The following BABAM2 variants were observed in gnomAD, a reference collection of about 807,000 sequenced individuals.
The protein encoded by BABAM2 is BRISC and BRCA1 A complex member 2, also known as BRISC and BRCA1-A complex member 2.
Under a neutral mutation model 54.7 loss-of-function variants are expected in BABAM2, and 31 were observed. That is an observed-to-expected ratio of 0.57 (90% confidence interval 0.43 to 0.77). BABAM2 has a LOEUF of 0.77. Ranked by LOEUF, BABAM2 falls within the 30% of genes least tolerant of loss-of-function variation. BABAM2 has a pLI of 0.00. For missense variants in BABAM2, 364 were observed against 455.8 expected (o/e 0.80, Z 1.83); for synonymous variants, 167 against 162.9 (o/e 1.03, Z -0.19).
chr2:27,949,104 C>G (rs193273010), intron 3 of BABAM2, among the ~76,000 whole-genome samples: 1 of 152,294 alleles, frequency 6.6e-6, no homozygotes, highest in East Asian at 1.9e-4. Context: ...CCATGTCTGA[C>G]CAGCAGCCAA....
At chr2:28,234,774 G>A (rs575486479) in intron 7 of BABAM2, among the ~76,000 whole-genome samples, 2 of 152,200 alleles carry the variant, frequency 1.3e-5, no homozygotes, top group African/African-American at 4.8e-5. Context: ...CTATCCTTAT[G>A]AAATCATTAG....
intron 7 of BABAM2, among the ~76,000 whole-genome samples, chr2:28,220,137 C>T (rs906813457): frequency 6.6e-6 from 1 of 152,274 alleles, no homozygotes; most frequent in East Asian, 1.9e-4. Flanking sequence ...AACTGATTGT[C>T]GAAGCCCAGC....
chr2:27,914,480 G>A (rs1284556439), intron 2 of BABAM2, among the ~76,000 whole-genome samples: 4 of 152,120 alleles, frequency 2.6e-5, no homozygotes, highest in African/African-American at 9.7e-5. Flanking sequence ...GATCCAGTTA[G>A]TCTCTATACT....
chr2:28,055,549 T>C (rs1359603032), intron 6 of BABAM2, among the ~76,000 whole-genome samples: 41 of 152,238 alleles, frequency 2.7e-4, no homozygotes, highest in Admixed American at 2.7e-3. Flanking sequence ...TTTCCAAATA[T>C]GATTTATGGT....
At chr2:28,145,192 A>G in intron 7 of BABAM2, among the ~76,000 whole-genome samples, 1 of 152,214 alleles carries the variant, frequency 6.6e-6, no homozygotes, top group African/African-American at 2.4e-5. Context: ...AAATGAAACA[A>G]AGGAGAAAGA....
rs72857110 is a variant in BABAM2, at chr2:28,259,388, A to T, written c.934+14526A>T. Reference sequence around the variant, plus strand: ...GGTAAGCTACCGCACCTAGCCGGCTAGTTTATTATGTTTTGTAGAGATGAG... The same window carrying T: ...GGTAAGCTACCGCACCTAGCCGGCTTGTTTATTATGTTTTGTAGAGATGAG... On this transcript the variant is annotated intron_variant, in intron 10 of 11. Transcript: ENST00000379624. Among the ~76,000 whole-genome samples, 1,262 of 152,064 alleles carry T rather than the reference A, an allele frequency of 8.3e-3. 10 individuals carry two copies. The highest frequency in any genetic ancestry group is 0.028 in the African/African-American group (1,181 of 41,488).
intron 7 of BABAM2, among the ~76,000 whole-genome samples, chr2:28,194,780 G>A (rs759924402): frequency 1.8e-4 from 28 of 151,900 alleles, no homozygotes; most frequent in Admixed American, 6.6e-4. Context: ...GGCTGGTCTC[G>A]AACTCCTAAC....
intron 7 of BABAM2, among the ~76,000 whole-genome samples, chr2:28,142,454 G>A (rs1671147526): frequency 1.3e-5 from 2 of 152,154 alleles, no homozygotes; most frequent in South Asian, 4.1e-4. Context: ...TTAATTTGAA[G>A]AAGTTATATG....
chr2:28,249,147 G>C (rs1300628723), intron 10 of BABAM2, among the ~76,000 whole-genome samples: 1 of 149,896 alleles, frequency 6.7e-6, no homozygotes, highest in African/African-American at 2.5e-5. Context: ...GAATGCGGTA[G>C]TGTGATCTTG....
chr2:28,312,832 G>T (rs373968330), intron 11 of BABAM2, among the ~76,000 whole-genome samples: 1 of 152,112 alleles, frequency 6.6e-6, no homozygotes, highest in Non-Finnish European at 1.5e-5. Context: ...TGAAATAATC[G>T]ATATAGACCT....
chr2:28,024,385 G>A (rs1174237516), intron 4 of BABAM2, among the ~76,000 whole-genome samples: 1 of 150,566 alleles, frequency 6.6e-6, no homozygotes, highest in Non-Finnish European at 1.5e-5. Flanking sequence ...CAGCCTGGGC[G>A]ACAGAGCGAG....
chr2:28,109,722 G>A (rs991718999), intron 6 of BABAM2, among the ~76,000 whole-genome samples: 6 of 152,094 alleles, frequency 3.9e-5, no homozygotes, highest in Non-Finnish European at 7.4e-5. Flanking sequence ...TGGCTCATCC[G>A]GGGTATATGG....
chr2:28,320,068 C>T (rs559386167), intron 11 of BABAM2, among the ~76,000 whole-genome samples: 2 of 152,344 alleles, frequency 1.3e-5, no homozygotes, highest in Admixed American at 6.5e-5. Flanking sequence ...ATTTCCACCA[C>T]TCAATTCATG....
intron 2 of BABAM2, among the ~76,000 whole-genome samples, chr2:27,899,201 C>G (rs1665581349): frequency 6.6e-6 from 1 of 152,180 alleles, no homozygotes; most frequent in Non-Finnish European, 1.5e-5. Flanking sequence ...TTTAGCATGT[C>G]ACAGACATTC....
At chr2:27,918,770 T>C (rs990310026) in intron 2 of BABAM2, among the ~76,000 whole-genome samples, 1 of 152,044 alleles carries the variant, frequency 6.6e-6, no homozygotes, top group Non-Finnish European at 1.5e-5. Flanking sequence ...CTCACTGCAG[T>C]CTTGACCTCC....
chr2:28,016,212 T>G, intron 4 of BABAM2: 1 of 993,286 alleles, frequency 1.0e-6, no homozygotes, highest in Non-Finnish European at 1.5e-6. Flanking sequence ...TTTCTCTGTC[T>G]TTTTTTGGAT....
At chr2:28,022,984 C>T (rs1263555981) in intron 4 of BABAM2, among the ~76,000 whole-genome samples, 3 of 152,180 alleles carry the variant, frequency 2.0e-5, no homozygotes, top group South Asian at 2.1e-4. Context: ...TAAAAGTGGT[C>T]GTGTAGCAAT....
At chr2:27,889,087 G>A (rs1395528816), upstream of BABAM2, among the ~76,000 whole-genome samples, 1 of 152,124 alleles carries the variant, frequency 6.6e-6, no homozygotes, top group African/African-American at 2.4e-5. Flanking sequence ...TCAAGTTTTC[G>A]TCAGTCACTA....
intron 6 of BABAM2, among the ~76,000 whole-genome samples, chr2:28,074,863 T>G (rs1664508930): frequency 6.6e-6 from 1 of 152,210 alleles, no homozygotes; most frequent in Admixed American, 6.5e-5. Context: ...TAAGTTTTCC[T>G]TGAAAATAAT....
Sources: gnomAD v4.1 joint callset for allele counts (sites outside exome capture counted in the v4.1 genomes callset) on GRCh38, gnomAD v4.1.1 for gene constraint, MANE v1.5 for transcripts, NCBI Gene and HGNC (gene_info 2026-07-23, HGNC 2026-07-21) for gene names.